SGCG: variants seen among roughly 807,000 people sequenced by gnomAD.
SGCG encodes the protein sarcoglycan gamma.
A neutral mutation model predicts 29.3 loss-of-function variants in SGCG; 26 were observed. The ratio of observed to expected loss-of-function variants is 0.89; its 90% confidence interval spans 0.65 to 1.23. SGCG has a LOEUF of 1.23. Among genes scored for constraint, SGCG ranks in the 50% most tolerant of loss-of-function variants. The pLI, the probability that SGCG is intolerant of heterozygous loss-of-function variation, is 0.00. For missense variants in SGCG, 353 were observed against 356.0 expected (o/e 0.99, Z 0.07); for synonymous variants, 145 against 129.7 (o/e 1.12, Z -0.80).
intron 4 of SGCG, among the ~76,000 whole-genome samples, chr13:23,261,091 A>G (rs906137209): frequency 1.3e-5 from 2 of 152,116 alleles, no homozygotes; most frequent in African/African-American, 4.8e-5. Context: ...CTCCCTTGCT[A>G]GGCTGGGGAA....
intron 1 of SGCG, among the ~76,000 whole-genome samples, chr13:23,199,238 C>T (rs1290314276): frequency 2.0e-5 from 3 of 152,106 alleles, no homozygotes; most frequent in Admixed American, 6.5e-5. Flanking sequence ...GTTCATGATA[C>T]ATTAAAAATT....
intron 3 of SGCG, among the ~76,000 whole-genome samples, chr13:23,241,280 A>T (rs552543520): frequency 6.6e-6 from 1 of 152,290 alleles, no homozygotes; most frequent in South Asian, 2.1e-4. Context: ...ATGAAAAAGG[A>T]GACATCATAA....
At chr13:23,249,609 G>A (rs1398868848) in intron 3 of SGCG, among the ~76,000 whole-genome samples, 5 of 152,076 alleles carry the variant, frequency 3.3e-5, no homozygotes, top group Non-Finnish European at 7.4e-5. Context: ...AAGGAAAAAC[G>A]TACATGGTAA....
rs1883001259 is a variant in SGCG, at chr13:23,320,637, A to G, written c.579A>G (p.Arg193=). 3.3e-6 allele frequency: 5 copies of G among 1,502,324 alleles called. No individual in the cohort carries two copies. The South Asian group carries it at 4.7e-5, about 14-fold the overall frequency. The allele number at this position is 1,502,324 out of a possible 1,614,324, so 93.1% of individuals were successfully genotyped here. ...TTTGTGCTTCTTTTCCTCATCTCAG[A>G]TTAGAATCCCCCACTCGGAGTCTAA... The part of the protein sequence containing the change: ...LVRADPFQDL[R]LESPTRSLSM... The change falls in exon 7 of 8, where the codon AGA becomes AGG. Residue 193 remains arginine (R), a splice_region_variant and synonymous_variant. Coordinates refer to ENST00000218867, the MANE Select transcript of SGCG (RefSeq NM_000231.3).
At chr13:23,261,868 A>G (rs984018368) in intron 4 of SGCG, among the ~76,000 whole-genome samples, 3 of 151,874 alleles carry the variant, frequency 2.0e-5, no homozygotes, top group Non-Finnish European at 4.4e-5. Flanking sequence ...ATCATTAAAG[A>G]GAACAACTGT....
chr13:23,192,514 C>T (rs1287562553), intron 1 of SGCG, among the ~76,000 whole-genome samples: 1 of 152,124 alleles, frequency 6.6e-6, no homozygotes. Context: ...CTGCCTCAGC[C>T]TCCCGAGTAG....
At chr13:23,299,381 A>G (rs1436795196) in intron 6 of SGCG, among the ~76,000 whole-genome samples, 1 of 137,390 alleles carries the variant, frequency 7.3e-6, no homozygotes, top group Non-Finnish European at 1.5e-5. Context: ...GATTACAGTA[A>G]AAAGATTCTG....
chr13:23,270,916 C>G (rs1204363908), intron 4 of SGCG, among the ~76,000 whole-genome samples: 3 of 152,094 alleles, frequency 2.0e-5, no homozygotes, highest in Non-Finnish European at 4.4e-5. Context: ...ATCTGAACAT[C>G]ATTTACTTAA....
intron 2 of SGCG, among the ~76,000 whole-genome samples, chr13:23,229,870 C>T (rs1478354687): frequency 6.6e-6 from 1 of 152,130 alleles, no homozygotes; most frequent in Non-Finnish European, 1.5e-5. Flanking sequence ...TTCCTATATC[C>T]TAAATGGTAT....
intron 3 of SGCG, among the ~76,000 whole-genome samples, chr13:23,248,247 C>T (rs1879798779): frequency 6.6e-6 from 1 of 152,198 alleles, no homozygotes; most frequent in Non-Finnish European, 1.5e-5. Context: ...CCAACCTACT[C>T]CTCTCTCCCT....
At chr13:23,167,742 T>G in the SGCG span, among the ~76,000 whole-genome samples, 1 of 152,062 alleles carries the variant, frequency 6.6e-6, no homozygotes, top group African/African-American at 2.4e-5. Flanking sequence ...TTTTTTTTTT[T>G]TCTTTTTGAG....
chr13:23,242,724 T>C (rs1358490099), intron 3 of SGCG, among the ~76,000 whole-genome samples: 3 of 152,110 alleles, frequency 2.0e-5, no homozygotes, highest in Non-Finnish European at 4.4e-5. Context: ...AATGATATAG[T>C]GGTGGTTGTA....
chr13:23,249,623 T>G (rs572362493), intron 3 of SGCG, among the ~76,000 whole-genome samples: 21 of 152,304 alleles, frequency 1.4e-4, no homozygotes, highest in Non-Finnish European at 2.5e-4. Context: ...ATGGTAAAAT[T>G]GATTTTTTTT....
At position 23,189,768 on chromosome 13, in the gene SGCG, A is replaced by G. The variant is rs148554625; in HGVS notation, c.-1+8693A>G. ...GGGAGGATGTTGAATAAGATAAGAG[A>G]CAAGAGAGAAAGACTTGAACTTAAG... On this transcript the variant is annotated intron_variant, in intron 1 of 7. Transcript: ENST00000218867. Among the ~76,000 whole-genome samples, 614 of 152,282 alleles carry G rather than the reference A, an allele frequency of 4.0e-3. 5 individuals carry two copies. The highest frequency in any genetic ancestry group is 0.013 in the African/African-American group (560 of 41,556).
At chr13:23,295,340 C>T in intron 5 of SGCG, 75 bp from the exon 6 acceptor site, 1 of 1,170,378 alleles carries the variant, frequency 8.5e-7, no homozygotes. Context: ...TCTTTAATAT[C>T]TAGGCTAAAT....
At chr13:23,230,728 A>C (rs540174527) in intron 2 of SGCG, among the ~76,000 whole-genome samples, 1 of 152,324 alleles carries the variant, frequency 6.6e-6, no homozygotes, top group South Asian at 2.1e-4. Context: ...TGTCATCTGC[A>C]TACAGGATTA....
At chr13:23,216,840 A>C (rs1167812002) in intron 2 of SGCG, among the ~76,000 whole-genome samples, 1 of 152,152 alleles carries the variant, frequency 6.6e-6, no homozygotes, top group Non-Finnish European at 1.5e-5. Flanking sequence ...CACTTACGCC[A>C]GTCATCCTGA....
At chr13:23,179,858 T>C (rs1013657539), upstream of SGCG, among the ~76,000 whole-genome samples, 10 of 152,320 alleles carry the variant, frequency 6.6e-5, 1 homozygote, top group South Asian at 1.4e-3. Flanking sequence ...TGCATTGTTA[T>C]TGCATTGCTC....
chr13:23,173,988 G>A, the SGCG span, among the ~76,000 whole-genome samples: 1 of 152,100 alleles, frequency 6.6e-6, no homozygotes, highest in African/African-American at 2.4e-5. Flanking sequence ...AGTTCAGTAG[G>A]AACTATTTCA....
Sources: allele counts gnomAD v4.1 joint callset (sites outside exome capture counted in the v4.1 genomes callset), GRCh38; gene constraint gnomAD v4.1.1; transcripts MANE v1.5; gene names NCBI Gene and HGNC (gene_info 2026-07-23, HGNC 2026-07-21).